The following GALNT17 variants were observed in gnomAD, a reference collection of about 807,000 sequenced individuals.
GALNT17 encodes the protein polypeptide N-acetylgalactosaminyltransferase 17.
In GALNT17, 29 loss-of-function variants were observed where a neutral mutation model predicts 63.7. The observed-to-expected ratio is 0.46, with a 90% CI of 0.34 to 0.62. GALNT17 has a LOEUF of 0.62. Ranked by LOEUF, GALNT17 falls within the 20% of genes least tolerant of loss-of-function variation. The pLI is 0.01. For synonymous variants in GALNT17, 305 were observed against 318.3 expected, an observed-to-expected ratio of 0.96 and a Z score of 0.45; for missense variants, 603 against 799.6, an observed-to-expected ratio of 0.75 and a Z score of 2.97.
intron 6 of GALNT17, among the ~76,000 whole-genome samples, chr7:71,648,924 C>T (rs968781799): frequency 6.6e-6 from 1 of 152,216 alleles, no homozygotes; most frequent in Admixed American, 6.5e-5. Context: ...AATGTCATGC[C>T]ATACAATGAA....
At chr7:71,349,306 A>G (rs1378183288) in intron 2 of GALNT17, among the ~76,000 whole-genome samples, 3 of 152,130 alleles carry the variant, frequency 2.0e-5, no homozygotes, top group Non-Finnish European at 4.4e-5. Flanking sequence ...GGTGAAATGG[A>G]CTAAATTCAA....
intron 1 of GALNT17, among the ~76,000 whole-genome samples, chr7:71,327,701 T>C (rs1442016369): frequency 6.6e-6 from 1 of 151,916 alleles, no homozygotes; most frequent in Non-Finnish European, 1.5e-5. Context: ...GGGAAACCAA[T>C]AAGGAATGAC....
intron 1 of GALNT17, among the ~76,000 whole-genome samples, chr7:71,152,049 GTTAAAAACT>G (rs1205751597): frequency 6.6e-6 from 1 of 152,056 alleles, no homozygotes; most frequent in Non-Finnish European, 1.5e-5. Flanking sequence ...CTTTAATGAT[GTTAAAAACT>G]TTGCTAATTT....
At position 71,571,386 on chromosome 7, in the gene GALNT17, T is replaced by C. The variant is rs781755180; in HGVS notation, c.1064T>C (p.Ile355Thr). ...ATGGATGTATACGGAGGAGAAAATATTGAACTGGGAATCAAGGTTTGTGAC... is the reference window on the plus strand; with the variant it reads ...ATGGATGTATACGGAGGAGAAAATACTGAACTGGGAATCAAGGTTTGTGAC... ...PGMDVYGGEN[I>T]ELGIKVWLCG... Residue 355 changes from isoleucine to threonine, a missense_variant, in exon 6 of 11, where the codon ATT becomes ACT. By Grantham distance (89) the Ile-to-Thr change is moderately conservative. Coordinates refer to ENST00000333538, the MANE Select transcript of GALNT17 (RefSeq NM_022479.3). 4 of 1,613,708 alleles carry C rather than the reference T, an allele frequency of 2.5e-6. No homozygotes were observed. In the African/African-American group the frequency reaches 5.3e-5, roughly 22 times the overall value.
chr7:71,493,765 C>T (rs188230349), intron 5 of GALNT17, among the ~76,000 whole-genome samples: 3 of 152,206 alleles, frequency 2.0e-5, no homozygotes, highest in African/African-American at 7.2e-5. Flanking sequence ...CCCTTCTGTC[C>T]CCTCCACTTC....
intron 3 of GALNT17, among the ~76,000 whole-genome samples, chr7:71,403,199 C>CT: frequency 1.3e-5 from 2 of 152,284 alleles, no homozygotes; most frequent in Middle Eastern, 3.4e-3. Context: ...CAACAAAACC[C>CT]TTTTTAGTTC....
At chr7:71,578,450 C>A (rs1191605404) in intron 6 of GALNT17, among the ~76,000 whole-genome samples, 1 of 152,278 alleles carries the variant, frequency 6.6e-6, no homozygotes, top group African/African-American at 2.4e-5. Flanking sequence ...CCTCCTGTCT[C>A]AGCCTCCCAA....
intron 5 of GALNT17, among the ~76,000 whole-genome samples, chr7:71,467,173 G>T (rs1787549833): frequency 1.3e-5 from 2 of 152,110 alleles, no homozygotes; most frequent in Non-Finnish European, 2.9e-5. Context: ...CCTAAGTCTA[G>T]TTCCTCTTTC....
At chr7:71,265,936 C>T (rs2867405) in intron 1 of GALNT17, among the ~76,000 whole-genome samples, 72,028 of 152,022 alleles carry the variant, frequency 0.47, 17,599 homozygotes, top group Non-Finnish European at 0.54. Context: ...ATGAGTTTTA[C>T]AGGACTAAAA....
At chr7:71,213,415 C>A (rs1053842888) in intron 1 of GALNT17, among the ~76,000 whole-genome samples, 4 of 152,022 alleles carry the variant, frequency 2.6e-5, no homozygotes, top group African/African-American at 9.7e-5. Context: ...ATACACTTGG[C>A]AATTGGTATT....
At chr7:71,246,760 C>T (rs1790105340) in intron 1 of GALNT17, among the ~76,000 whole-genome samples, 2 of 151,612 alleles carry the variant, frequency 1.3e-5, no homozygotes, top group South Asian at 4.2e-4. Context: ...ACTCAGGAGG[C>T]AGAGCTTGCA....
intron 5 of GALNT17, among the ~76,000 whole-genome samples, chr7:71,516,714 G>T (rs906989550): frequency 6.6e-6 from 1 of 152,118 alleles, no homozygotes; most frequent in Non-Finnish European, 1.5e-5. Flanking sequence ...TTCCAGAGCA[G>T]CTCTGCCTAC....
At chr7:71,390,351 A>C (rs992166823) in intron 3 of GALNT17, among the ~76,000 whole-genome samples, 3 of 151,512 alleles carry the variant, frequency 2.0e-5, no homozygotes, top group Non-Finnish European at 2.9e-5. Flanking sequence ...GAACCGGCCC[A>C]CTCTTCTGAA....
chr7:71,391,278 G>A (rs2068591), intron 3 of GALNT17, among the ~76,000 whole-genome samples: 6,217 of 152,194 alleles, frequency 0.041, 227 homozygotes, highest in African/African-American at 0.096. Context: ...TGCCAATGGC[G>A]CACCCTCTCC....
At chr7:71,542,113 C>T (rs1788902657) in intron 5 of GALNT17, among the ~76,000 whole-genome samples, 1 of 152,038 alleles carries the variant, frequency 6.6e-6, no homozygotes, top group Non-Finnish European at 1.5e-5. Context: ...GGTGAATAAC[C>T]GCAATAGAAA....
intron 5 of GALNT17, among the ~76,000 whole-genome samples, chr7:71,484,817 T>TTTG (rs71089947): frequency 6.7e-6 from 1 of 150,144 alleles, no homozygotes; most frequent in East Asian, 2.0e-4. Flanking sequence ...TTTTTTTTTT[T>TTTG]GACAGAGTCT....
chr7:71,289,482 T>A (rs1440267503), intron 1 of GALNT17, among the ~76,000 whole-genome samples: 1 of 152,184 alleles, frequency 6.6e-6, no homozygotes, highest in Non-Finnish European at 1.5e-5. Context: ...ATGCCTGTAA[T>A]CCCAGCACTT....
At chr7:71,389,699 C>T (rs1793014524) in intron 3 of GALNT17, among the ~76,000 whole-genome samples, 2 of 152,126 alleles carry the variant, frequency 1.3e-5, no homozygotes, top group Non-Finnish European at 2.9e-5. Context: ...CCCCACCCCG[C>T]ACCCCATCTT....
At chr7:71,708,675 A>AC (rs1791752488) in intron 9 of GALNT17, among the ~76,000 whole-genome samples, 1 of 152,236 alleles carries the variant, frequency 6.6e-6, no homozygotes, top group South Asian at 2.1e-4. Context: ...TAAGCATAAT[A>AC]CCCAATAGGT....
Sources: gnomAD v4.1 joint callset for allele counts (sites outside exome capture counted in the v4.1 genomes callset) on GRCh38, gnomAD v4.1.1 for gene constraint, MANE v1.5 for transcripts, NCBI Gene and HGNC (gene_info 2026-07-23, HGNC 2026-07-21) for gene names.